Variants in SLC20A1 observed in about 807,000 individuals in gnomAD.
The protein encoded by SLC20A1 is sodium-dependent phosphate transporter 1.
In SLC20A1, 28 loss-of-function variants were observed where a neutral mutation model predicts 62.7. The observed-to-expected ratio is 0.45, with a 90% CI of 0.33 to 0.61. The LOEUF (loss-of-function observed/expected upper bound fraction) is 0.61, where lower values mean the gene tolerates loss of function less well. Among genes scored for constraint, SLC20A1 ranks in the 20% least tolerant of loss-of-function variants. The pLI is 0.02. For missense variants in SLC20A1, 673 were observed against 838.6 expected, an observed-to-expected ratio of 0.80 and a Z score of 2.44; for synonymous variants, 305 against 302.9, an observed-to-expected ratio of 1.01 and a Z score of -0.07.
intron 4 of SLC20A1, among the ~76,000 whole-genome samples, chr2:112,649,913 A>G (rs1686389848): frequency 1.3e-5 from 2 of 152,228 alleles, no homozygotes; most frequent in Admixed American, 6.5e-5. Context: ...ACGATGAGGC[A>G]TTCACATTAT....
rs372152653 is a variant in SLC20A1, at chr2:112,657,168, G to A, written c.705G>A (p.Ser235=). 12 of 1,613,830 alleles carry A rather than the reference G, an allele frequency of 7.4e-6. No homozygotes were observed. Among genetic ancestry groups the A allele is most frequent in the African/African-American group, 5.3e-5 (4 of 74,876 alleles). The change falls in exon 6 of 11, where the codon TCG becomes TCA. Residue 235 remains serine, a synonymous_variant. Transcript: ENST00000272542. The part of the protein sequence containing the change: ...KLPLWGTILI[S]VGCAVFCALI... Reference sequence around the variant, plus strand: ...CTCTGTGGGGTACCATCCTCATCTCGGTGGGATGTGCAGTTTTCTGTGCCC... The same window carrying A: ...CTCTGTGGGGTACCATCCTCATCTCAGTGGGATGTGCAGTTTTCTGTGCCC...
intron 10 of SLC20A1, among the ~76,000 whole-genome samples, chr2:112,661,460 C>T (rs1686746297): frequency 6.6e-6 from 1 of 152,054 alleles, no homozygotes; most frequent in African/African-American, 2.4e-5. Context: ...CTAACCTCTT[C>T]CTTTGTTACT....
intron 5 of SLC20A1, among the ~76,000 whole-genome samples, chr2:112,656,472 A>T (rs1368533951): frequency 6.6e-6 from 1 of 152,158 alleles, no homozygotes; most frequent in African/African-American, 2.4e-5. Flanking sequence ...AAGTGCTGGG[A>T]TTACAGGCAT....
intron 1 of SLC20A1, among the ~76,000 whole-genome samples, 200 bp from the exon 2 acceptor site, chr2:112,646,363 C>A (rs920362702): frequency 6.6e-6 from 1 of 151,836 alleles, no homozygotes; most frequent in African/African-American, 2.4e-5. Flanking sequence ...GGGCTGGCAG[C>A]GCAGGGGCTG....
intron 5 of SLC20A1, among the ~76,000 whole-genome samples, chr2:112,654,225 T>C (rs561263935): frequency 1.2e-3 from 184 of 152,358 alleles, no homozygotes; most frequent in African/African-American, 4.3e-3. Context: ...TAAGAAAATA[T>C]TGTTCTTACT....
rs371612893 is a variant in SLC20A1 at position 112,647,468 on chromosome 2, T to C, written c.475+4T>C. 1.7e-5 allele frequency: 28 copies of C among 1,606,098 alleles called. No individual in the cohort carries two copies. The highest frequency in any genetic ancestry group is 3.3e-4 in the Middle Eastern group (2 of 6,052). On this transcript the variant is annotated splice_donor_region_variant and intron_variant, in intron 3 of 10. Transcript: ENST00000272542. ...TGGTCTGAACTGATAAAAATTGGTA[T>C]GTTTAATTCCAAACGGCTTCTTAAT...
intron 5 of SLC20A1, among the ~76,000 whole-genome samples, chr2:112,653,635 A>G (rs1424507353): frequency 6.6e-6 from 1 of 150,750 alleles, no homozygotes; most frequent in Non-Finnish European, 1.5e-5. Flanking sequence ...ACTATGTGCT[A>G]TGCACCCATA....
At chr2:112,652,955 G>C in intron 5 of SLC20A1, 157 bp downstream of exon 5, 1 of 1,556,822 alleles carries the variant, frequency 6.4e-7, no homozygotes, top group Non-Finnish European at 8.7e-7. Flanking sequence ...AGTGTACGCT[G>C]AGTTAACCTA....
intron 5 of SLC20A1, among the ~76,000 whole-genome samples, chr2:112,653,700 G>A (rs1235135216): frequency 6.6e-6 from 1 of 151,536 alleles, no homozygotes. Flanking sequence ...CCACTGAAAT[G>A]ATTTCAGTTT....
At position 112,659,758 on chromosome 2, in the gene SLC20A1, G is replaced by A. The variant is rs142437239; in HGVS notation, c.1603G>A (p.Val535Ile). The A allele has an allele frequency of 1.4e-5, 22 of 1,610,460 alleles. No homozygotes were observed. The highest frequency in any genetic ancestry group is 2.2e-5 in the South Asian group (2 of 90,756). ...GTCATTCGCCCATGGTGGCAATGACGTAAGGTCAGTTGACATTGATCTTAG... is the reference window on the plus strand; with the variant it reads ...GTCATTCGCCCATGGTGGCAATGACATAAGGTCAGTTGACATTGATCTTAG... ...FGSFAHGGND[V>I]SNAIGPLVAL... The change falls in exon 8 of 11, where the codon GTA becomes ATA. Residue 535 changes from valine (V) to isoleucine (I), a missense_variant. Physicochemically the swap from Val to Ile is conservative, Grantham distance 29. Coordinates refer to ENST00000272542, the MANE Select transcript of SLC20A1 (RefSeq NM_005415.5).
At chr2:112,653,041 C>A in intron 5 of SLC20A1, 1 of 879,530 alleles carries the variant, frequency 1.1e-6, no homozygotes. Context: ...TTCACAGGAT[C>A]CACTGATAAT....
chr2:112,660,880 A>G (rs1453821507), intron 9 of SLC20A1: 3 of 492,860 alleles, frequency 6.1e-6, no homozygotes, highest in African/African-American at 3.8e-5. Flanking sequence ...ATGTTTACCA[A>G]ACTCTTCAAA....
At chr2:112,650,870 C>T (rs1686415098) in intron 4 of SLC20A1, among the ~76,000 whole-genome samples, 1 of 152,068 alleles carries the variant, frequency 6.6e-6, no homozygotes, top group Non-Finnish European at 1.5e-5. Flanking sequence ...CCATCCCCTG[C>T]CTCATCCTCC....
chr2:112,652,844 C>T (rs1686480059), intron 5 of SLC20A1, 46 bp downstream of exon 5: 2 of 1,611,856 alleles, frequency 1.2e-6, no homozygotes, highest in Non-Finnish European at 1.7e-6. Flanking sequence ...AAGTTGTTTA[C>T]AAAACTTGCA....
At position 112,646,901 on chromosome 2, in the gene SLC20A1, C is replaced by T. The variant is rs759584171; in HGVS notation, c.73C>T (p.Leu25Phe). The change falls in exon 2 of 11, where the codon CTC becomes TTC. Residue 25 changes from leucine (L) to phenylalanine (F), a missense_variant. Leu to Phe is a conservative substitution (Grantham distance 22, BLOSUM62 0). Coordinates refer to ENST00000272542, the MANE Select transcript of SLC20A1 (RefSeq NM_005415.5). ...TCCTTTGGTGGACTACCTATGGATG[C>T]TCATCCTGGGCTTCATTATTGCATT... Reference protein sequence around the residue: ...SGPLVDYLWMLILGFIIAFVL... With the variant: ...SGPLVDYLWMFILGFIIAFVL... 6.2e-7 allele frequency: 1 copy of T among 1,613,970 alleles called. No homozygotes were observed. Among genetic ancestry groups the T allele is most frequent in the South Asian group, 1.1e-5 (1 of 91,066 alleles).
At chr2:112,646,295 C>T (rs911725137) in intron 1 of SLC20A1, among the ~76,000 whole-genome samples, 166 bp downstream of exon 1, 17 of 152,038 alleles carry the variant, frequency 1.1e-4, no homozygotes, top group African/African-American at 3.4e-4. Context: ...TTTTGGCGGT[C>T]CCCGGGCGGC....
In SLC20A1 at chr2:112,647,831, G is replaced by C. The variant is rs1042449293; in HGVS notation, c.561+93G>C. 1.2e-5 allele frequency: 12 copies of C among 986,334 alleles called. No individual in the cohort carries two copies. The Admixed American group carries it at 1.8e-4, about 15-fold the overall frequency. The allele number at this position is 986,334 out of a possible 1,614,324, so 61.1% of individuals were successfully genotyped here. ...CTTTTGCAGATGTGATTGGTGTATA[G>C]GTATGCGGCCTTGGAAAATTTTAAA... is the stretch of plus-strand genomic sequence containing the variant. On this transcript the variant is annotated intron_variant, in intron 4 of 10. Coordinates refer to ENST00000272542, the MANE Select transcript of SLC20A1 (RefSeq NM_005415.5).
Position 112,661,138 on chromosome 2 carries a change from G to A in SLC20A1, c.1794-4G>A. On this transcript the variant is annotated splice_region_variant and splice_polypyrimidine_tract_variant and intron_variant, in intron 9 of 10. Coordinates refer to ENST00000272542, the MANE Select transcript of SLC20A1 (RefSeq NM_005415.5). ...TCCTGACAAGAATCCTTTTGTGTCT[G>A]TAGTGGCTTCAGTATTGAACTGGCA... 6.2e-7 allele frequency: 1 copy of A among 1,612,926 alleles called. No individual in the cohort carries two copies. Among genetic ancestry groups the A allele is most frequent in the Non-Finnish European group, 8.5e-7 (1 of 1,178,958 alleles).
intron 4 of SLC20A1, among the ~76,000 whole-genome samples, chr2:112,648,276 CA>C (rs766013366): frequency 6.6e-5 from 10 of 151,994 alleles, no homozygotes; most frequent in Middle Eastern, 3.4e-3. Context: ...GCCCGCCCCC[CA>C]AAAAAACTTC....
Sources: gnomAD v4.1 joint callset for allele counts (sites outside exome capture counted in the v4.1 genomes callset) on GRCh38, gnomAD v4.1.1 for gene constraint, MANE v1.5 for transcripts, NCBI Gene and HGNC (gene_info 2026-07-23, HGNC 2026-07-21) for gene names.